Variants in DACH1 observed in about 807,000 individuals in gnomAD.
The protein encoded by DACH1 is dachshund family transcription factor 1, also known as dachshund homolog 1.
A neutral mutation model predicts 54.2 loss-of-function variants in DACH1; 12 were observed. The ratio of observed to expected loss-of-function variants is 0.22; its 90% CI spans 0.14 to 0.36. The LOEUF is 0.36. Ranked by LOEUF, DACH1 falls within the 10% of genes least tolerant of loss-of-function variation. DACH1 has a pLI of 1.00. For synonymous variants in DACH1, 386 were observed against 366.2 expected (o/e 1.05, Z -0.62); for missense variants, 805 against 929.8 (o/e 0.87, Z 1.75).
At chr13:71,669,237 G>C (rs1398487003) in intron 2 of DACH1, among the ~76,000 whole-genome samples, 5 of 152,122 alleles carry the variant, frequency 3.3e-5, no homozygotes, top group African/African-American at 1.2e-4. Context: ...CACAGCAGGA[G>C]CTGAGTGGCA....
intron 1 of DACH1, among the ~76,000 whole-genome samples, chr13:71,773,640 C>G (rs967842998): frequency 6.6e-6 from 1 of 151,952 alleles, no homozygotes; most frequent in Non-Finnish European, 1.5e-5. Flanking sequence ...AAAAATATGT[C>G]GCACTATATG....
chr13:71,579,446 A>G (rs1454706934), intron 3 of DACH1, among the ~76,000 whole-genome samples: 9 of 152,092 alleles, frequency 5.9e-5, no homozygotes, highest in African/African-American at 1.9e-4. Context: ...CGGGAAACAA[A>G]CCGTAAAATC....
chr13:71,545,564 A>T (rs190698088), intron 6 of DACH1, among the ~76,000 whole-genome samples: 38 of 150,528 alleles, frequency 2.5e-4, no homozygotes, highest in African/African-American at 9.0e-4. Flanking sequence ...GGAGAGAGGG[A>T]GGAAAGGAAG....
chr13:71,580,271 T>A (rs1011529120), intron 3 of DACH1, among the ~76,000 whole-genome samples: 7 of 152,208 alleles, frequency 4.6e-5, no homozygotes, highest in African/African-American at 1.7e-4. Flanking sequence ...CTTATTGCCA[T>A]GTTAATGAAT....
intron 6 of DACH1, among the ~76,000 whole-genome samples, chr13:71,495,012 C>T (rs1393752761): frequency 2.0e-5 from 3 of 151,926 alleles, no homozygotes; most frequent in Non-Finnish European, 2.9e-5. Context: ...AAATCTAACT[C>T]AGTTGTTATT....
At chr13:71,683,832 T>C (rs1394193682) in intron 1 of DACH1, among the ~76,000 whole-genome samples, 1 of 152,086 alleles carries the variant, frequency 6.6e-6, no homozygotes, top group Non-Finnish European at 1.5e-5. Flanking sequence ...AATATATATC[T>C]ATAGCCCATA....
chr13:71,588,095 T>C (rs549647288), intron 3 of DACH1, among the ~76,000 whole-genome samples: 21 of 152,250 alleles, frequency 1.4e-4, no homozygotes, highest in African/African-American at 5.1e-4. Context: ...TCTCAATATT[T>C]ACAGTTTGAG....
At chr13:71,498,201 T>G (rs1248120534) in intron 6 of DACH1, among the ~76,000 whole-genome samples, 1 of 152,198 alleles carries the variant, frequency 6.6e-6, no homozygotes, top group Non-Finnish European at 1.5e-5. Flanking sequence ...AGTCTTAACT[T>G]TTGAATAGTT....
intron 1 of DACH1, among the ~76,000 whole-genome samples, chr13:71,831,829 T>C (rs972628916): frequency 6.6e-6 from 1 of 151,974 alleles, no homozygotes; most frequent in Non-Finnish European, 1.5e-5. Context: ...ATCAAGAATT[T>C]TTTTTGCAAA....
intron 1 of DACH1, among the ~76,000 whole-genome samples, chr13:71,791,146 T>C (rs1886812570): frequency 6.6e-6 from 1 of 152,192 alleles, no homozygotes; most frequent in Non-Finnish European, 1.5e-5. Context: ...ATTACAGTGA[T>C]CTTCCTTTAG....
intron 4 of DACH1, among the ~76,000 whole-genome samples, chr13:71,563,434 A>G (rs1407086892): frequency 6.6e-6 from 1 of 151,960 alleles, no homozygotes; most frequent in Non-Finnish European, 1.5e-5. Context: ...GAGATATTTA[A>G]CTCATAAAAT....
chr13:71,750,857 A>G, intron 1 of DACH1, among the ~76,000 whole-genome samples: 1 of 152,208 alleles, frequency 6.6e-6, no homozygotes, highest in Non-Finnish European at 1.5e-5. Context: ...CATCAATGAA[A>G]CACACACATT....
chr13:71,498,625 G>A (rs916737757), intron 6 of DACH1, among the ~76,000 whole-genome samples: 5 of 148,062 alleles, frequency 3.4e-5, no homozygotes, highest in Non-Finnish European at 5.9e-5. Flanking sequence ...AAGAGATTCT[G>A]TTTAGATGAT....
At chr13:71,489,180 A>G in intron 6 of DACH1, 32 bp from the exon 7 acceptor site, 1 of 1,597,346 alleles carries the variant, frequency 6.3e-7, no homozygotes, top group Non-Finnish European at 8.5e-7. Context: ...ATATAGAACA[A>G]GTTACGCTTG....
intron 1 of DACH1, among the ~76,000 whole-genome samples, chr13:71,698,529 TGAGA>T (rs370861566): frequency 2.0e-5 from 3 of 150,782 alleles, no homozygotes; most frequent in South Asian, 4.2e-4. Context: ...GAAGAAATAA[TGAGA>T]GAGAGAGAGA....
intron 6 of DACH1, among the ~76,000 whole-genome samples, chr13:71,529,547 C>G (rs1246595256): frequency 6.6e-6 from 1 of 152,040 alleles, no homozygotes; most frequent in African/African-American, 2.4e-5. Flanking sequence ...CAATGTGGAC[C>G]CAGGTTCACC....
intron 1 of DACH1, among the ~76,000 whole-genome samples, chr13:71,763,790 G>C (rs1885500573): frequency 6.6e-6 from 1 of 152,078 alleles, no homozygotes; most frequent in Non-Finnish European, 1.5e-5. Context: ...ATTTATAAAG[G>C]CACATGCTCA....
intron 6 of DACH1, among the ~76,000 whole-genome samples, chr13:71,501,754 A>G (rs914888223): frequency 1.6e-4 from 25 of 152,316 alleles, no homozygotes; most frequent in Middle Eastern, 6.8e-3. Context: ...AGGCATTGCT[A>G]TGATGATGTT....
chr13:71,762,309 T>C (rs1165747625), intron 1 of DACH1, among the ~76,000 whole-genome samples: 1 of 152,166 alleles, frequency 6.6e-6, no homozygotes, highest in Non-Finnish European at 1.5e-5. Flanking sequence ...GTCCCTCTTC[T>C]GGGGACTAGG....
Sources: gnomAD v4.1 joint callset for allele counts (sites outside exome capture counted in the v4.1 genomes callset) on GRCh38, gnomAD v4.1.1 for gene constraint, MANE v1.5 for transcripts, NCBI Gene and HGNC (gene_info 2026-07-23, HGNC 2026-07-21) for gene names.